TCF4: variants seen among roughly 807,000 people sequenced by gnomAD.
TCF4 encodes the protein transcription factor 4.
TCF4 carries 3 observed loss-of-function variants against 82.1 expected under a neutral mutation model. The ratio of observed to expected loss-of-function variants is 0.04; its 90% CI spans 0.02 to 0.09. TCF4 has a LOEUF of 0.09. Among genes scored for constraint, TCF4 ranks in the 10% least tolerant of loss-of-function variants. The pLI is 1.00. For synonymous variants in TCF4, 276 were observed against 309.6 expected (o/e 0.89, Z 1.14); for missense variants, 518 against 852.7 (o/e 0.61, Z 4.89).
At chr18:55,258,079 A>G (rs1295936514) in intron 13 of TCF4, among the ~76,000 whole-genome samples, 1 of 152,190 alleles carries the variant, frequency 6.6e-6, no homozygotes, top group East Asian at 1.9e-4. Flanking sequence ...TGGAAAATAC[A>G]TAATTCAAAA....
chr18:55,549,247 G>A (rs916289026), intron 3 of TCF4, among the ~76,000 whole-genome samples: 5 of 152,138 alleles, frequency 3.3e-5, no homozygotes, highest in Non-Finnish European at 7.4e-5. Context: ...GCTGCAGTAA[G>A]CCAAGATCGC....
intron 8 of TCF4, among the ~76,000 whole-genome samples, chr18:55,336,267 A>G (rs1020032527): frequency 6.6e-6 from 1 of 152,082 alleles, no homozygotes; most frequent in African/African-American, 2.4e-5. Flanking sequence ...TTATTCTACA[A>G]TTACCCTCCT....
chr18:55,611,626 C>T (rs900600660), intron 2 of TCF4, among the ~76,000 whole-genome samples: 15 of 151,618 alleles, frequency 9.9e-5, no homozygotes, highest in Admixed American at 2.6e-4. Context: ...ATACAAGACA[C>T]GTGTATAATT....
At chr18:55,382,191 G>A (rs1026310996) in intron 6 of TCF4, among the ~76,000 whole-genome samples, 9 of 152,108 alleles carry the variant, frequency 5.9e-5, no homozygotes, top group Non-Finnish European at 1.0e-4. Flanking sequence ...CATTAAGTGT[G>A]GAGTTCTGGG....
chr18:55,470,658 T>C (rs2096155394), intron 3 of TCF4, among the ~76,000 whole-genome samples: 1 of 152,152 alleles, frequency 6.6e-6, no homozygotes, highest in African/African-American at 2.4e-5. Context: ...TAGAGCTGTG[T>C]AGTTGTCCTT....
At position 55,565,155 on chromosome 18, in the gene TCF4, T is replaced by C. The variant is rs141581086; in HGVS notation, c.145+20125A>G. 1.3e-3 allele frequency among the ~76,000 whole-genome samples: 192 copies of C among 152,214 alleles called. 2 individuals are homozygous for C. Among genetic ancestry groups the C allele is most frequent in the African/African-American group, 4.4e-3 (183 of 41,532 alleles). On this transcript the variant is annotated intron_variant, in intron 3 of 19. Coordinates refer to ENST00000354452, the MANE Select transcript of TCF4 (RefSeq NM_001083962.2). The stretch of plus-strand genomic sequence containing the variant: ...AAGTTGCTGGGAAGAATGGGAGTTA[T>C]AGGTAATCTTAGCACAACTAGTTTC...
chr18:55,377,643 G>T (rs564006474), intron 6 of TCF4, among the ~76,000 whole-genome samples: 1 of 152,304 alleles, frequency 6.6e-6, no homozygotes, highest in African/African-American at 2.4e-5. Context: ...TTTCAAAAAG[G>T]ACTTTAAACC....
At chr18:55,568,130 T>C (rs2097425968) in intron 3 of TCF4, among the ~76,000 whole-genome samples, 1 of 148,562 alleles carries the variant, frequency 6.7e-6, no homozygotes, top group Non-Finnish European at 1.5e-5. Context: ...AAAGAAATTA[T>C]GATAAATTAG....
chr18:55,583,639 A>G (rs1022705023), intron 3 of TCF4, among the ~76,000 whole-genome samples: 1 of 152,122 alleles, frequency 6.6e-6, no homozygotes, highest in Non-Finnish European at 1.5e-5. Flanking sequence ...ACAACATTGC[A>G]AACTAGTTTT....
chr18:55,443,575 A>G (rs1382577003), intron 5 of TCF4, among the ~76,000 whole-genome samples: 2 of 152,196 alleles, frequency 1.3e-5, no homozygotes, highest in African/African-American at 4.8e-5. Context: ...CAAGAGACCC[A>G]ACAAGGTAGC....
chr18:55,326,747 A>ATT (rs778634455), intron 8 of TCF4, among the ~76,000 whole-genome samples: 3 of 152,126 alleles, frequency 2.0e-5, no homozygotes, highest in Non-Finnish European at 2.9e-5. Context: ...ACTAATTGGT[A>ATT]TTTTTTGCTC....
chr18:55,321,864 A>G (rs769713348), intron 8 of TCF4: 62 of 1,460,966 alleles, frequency 4.2e-5, no homozygotes, highest in Non-Finnish European at 5.3e-5. Flanking sequence ...CGTGGTGAAT[A>G]TGCAAAGCAG....
intron 6 of TCF4, among the ~76,000 whole-genome samples, chr18:55,354,594 T>C (rs568238360): frequency 6.6e-6 from 1 of 152,340 alleles, no homozygotes; most frequent in African/African-American, 2.4e-5. Flanking sequence ...GCTTAAATTA[T>C]CAACTTTTTT....
intron 8 of TCF4, among the ~76,000 whole-genome samples, chr18:55,288,785 A>G (rs922345309): frequency 1.3e-5 from 2 of 152,232 alleles, no homozygotes; most frequent in Admixed American, 6.5e-5. Context: ...CACTTGTTTA[A>G]TATTACTAGA....
chr18:55,287,820 A>G (rs2064045179), intron 8 of TCF4, among the ~76,000 whole-genome samples: 1 of 152,204 alleles, frequency 6.6e-6, no homozygotes. Flanking sequence ...TCCCTTCATC[A>G]AAAGTCAACA....
intron 5 of TCF4, among the ~76,000 whole-genome samples, chr18:55,459,090 A>G (rs528220441): frequency 2.6e-5 from 4 of 152,310 alleles, no homozygotes; most frequent in African/African-American, 9.6e-5. Flanking sequence ...TGGACATAGT[A>G]GCATTTCCTA....
chr18:55,290,240 C>T (rs2064731869), intron 8 of TCF4, among the ~76,000 whole-genome samples: 1 of 152,200 alleles, frequency 6.6e-6, no homozygotes, highest in African/African-American at 2.4e-5. Flanking sequence ...AGCTGACATC[C>T]TTAAGAAAGG....
upstream of TCF4, among the ~76,000 whole-genome samples, chr18:55,590,423 C>T (rs534809988): frequency 2.0e-5 from 3 of 152,328 alleles, no homozygotes; most frequent in East Asian, 5.8e-4. Context: ...TGGCGAAGAC[C>T]TTCATCTATT....
intron 3 of TCF4, among the ~76,000 whole-genome samples, chr18:55,563,238 CAAAA>C (rs74182105): frequency 1.5e-5 from 1 of 68,154 alleles, no homozygotes; most frequent in Non-Finnish European, 2.8e-5. Flanking sequence ...GACCCTGTCT[CAAAA>C]AAAAAAAAAA....
Sources: allele counts gnomAD v4.1 joint callset (sites outside exome capture counted in the v4.1 genomes callset), GRCh38; gene constraint gnomAD v4.1.1; transcripts MANE v1.5; gene names NCBI Gene and HGNC (gene_info 2026-07-23, HGNC 2026-07-21).